PLEK2: variants seen among roughly 807,000 people sequenced by gnomAD.
The protein encoded by PLEK2 is pleckstrin 2, also known as pleckstrin-2.
PLEK2 carries 29 observed loss-of-function variants against 43.8 expected under a neutral mutation model. The ratio of observed to expected loss-of-function variants is 0.66; its 90% CI spans 0.49 to 0.90. PLEK2 has a LOEUF of 0.90. Among genes scored for constraint, PLEK2 ranks in the 40% least tolerant of loss-of-function variants. PLEK2 has a pLI of 0.00. For missense variants in PLEK2, 398 were observed against 448.1 expected (o/e 0.89, Z 1.01); for synonymous variants, 162 against 173.2 (o/e 0.94, Z 0.51).
chr14:67,397,171 G>A (rs752012065), intron 2 of PLEK2, among the ~76,000 whole-genome samples: 10 of 152,056 alleles, frequency 6.6e-5, no homozygotes, highest in South Asian at 2.1e-4. Context: ...ACTCCTCACC[G>A]CAAGCAATCT....
At position 67,392,860 on chromosome 14, in the gene PLEK2, G is replaced by C; in HGVS notation, c.482-11C>G. The C allele has an allele frequency of 6.2e-7, 1 of 1,602,564 alleles. No homozygotes were observed. The highest frequency in any genetic ancestry group is 1.3e-5 in the African/African-American group (1 of 74,850). On this transcript the variant is annotated splice_polypyrimidine_tract_variant and intron_variant, in intron 4 of 8. Transcript: ENST00000216446. ...CCACCAGGGAGGAGCCTGGCCAAGG[G>C]CAGCACCAGTCAGGCGATGGGTGAT...
In PLEK2 at chr14:67,392,337, G is replaced by A. The variant is rs755036157; in HGVS notation, c.760C>T (p.Leu254=). The change falls in exon 6 of 9, where the codon CTG becomes TTG. Residue 254 remains leucine (L), a synonymous_variant. Coordinates refer to ENST00000216446, the MANE Select transcript of PLEK2 (RefSeq NM_016445.3). The part of the protein sequence containing the change: ...LSGTVVKQGY[L]AKQGHKRKNW... ...CATAGCAGCCATACCTGCTTGGCCAGGTAGCCTTGTTTCACCACCGTGCCA... is the reference window on the plus strand; with the variant it reads ...CATAGCAGCCATACCTGCTTGGCCAAGTAGCCTTGTTTCACCACCGTGCCA... 4.4e-6 allele frequency: 7 copies of A among 1,605,720 alleles called. No homozygotes were observed. In the South Asian group the frequency reaches 6.6e-5, roughly 15 times the overall value.
rs544704170 is a variant in PLEK2 at position 67,397,823 on chromosome 14, G to A, written c.46C>T (p.His16Tyr). The change falls in exon 2 of 9, where the codon CAC (histidine) becomes TAC (tyrosine). Residue 16 changes from histidine (H) to tyrosine (Y), a missense_variant. Transcript: ENST00000216446. ...CGCGCCTTCCAGTTGTGGACAATGT[G>A]GCCCTATGGACAGACAAGAAAGCCC... ...LKEGFLVKRG[H>Y]IVHNWKARWF... 1.1e-4 allele frequency: 170 copies of A among 1,609,598 alleles called. 2 individuals carry two copies. The South Asian group carries it at 1.8e-3, about 17-fold the overall frequency.
chr14:67,403,394 T>C (rs981700103), intron 1 of PLEK2, among the ~76,000 whole-genome samples: 1 of 152,240 alleles, frequency 6.6e-6, no homozygotes, highest in African/African-American at 2.4e-5. Context: ...TCAGCAGTGA[T>C]GCTTCTAATA....
chr14:67,408,788 G>T (rs533309316), intron 1 of PLEK2, among the ~76,000 whole-genome samples: 3 of 152,060 alleles, frequency 2.0e-5, no homozygotes, highest in Non-Finnish European at 4.4e-5. Flanking sequence ...TTTCTTCTAC[G>T]CATATTTTTT....
At chr14:67,402,971 T>G (rs1456978811) in intron 1 of PLEK2, among the ~76,000 whole-genome samples, 1 of 152,182 alleles carries the variant, frequency 6.6e-6, no homozygotes, top group Non-Finnish European at 1.5e-5. Context: ...GGTAGCTCTA[T>G]TTATATTTTT....
rs775711650 is a variant in PLEK2, at chr14:67,392,864, C to G, written c.482-15G>C. ...CAGGGAGGAGCCTGGCCAAGGGCAG[C>G]ACCAGTCAGGCGATGGGTGATGGAC... On this transcript the variant is annotated splice_polypyrimidine_tract_variant and intron_variant, in intron 4 of 8. Transcript: ENST00000216446. The G allele has an allele frequency of 2.5e-6, 4 of 1,599,010 alleles. No homozygotes were observed. Among genetic ancestry groups the G allele is most frequent in the Admixed American group, 3.4e-5 (2 of 58,846 alleles).
chr14:67,405,862 A>G (rs2086075079), intron 1 of PLEK2, among the ~76,000 whole-genome samples: 1 of 152,058 alleles, frequency 6.6e-6, no homozygotes, highest in Non-Finnish European at 1.5e-5. Context: ...GGTGACTGTC[A>G]CTCTTGGCTG....
At chr14:67,390,232 T>C (rs1261379166) in intron 7 of PLEK2, among the ~76,000 whole-genome samples, 1 of 152,166 alleles carries the variant, frequency 6.6e-6, no homozygotes, top group Non-Finnish European at 1.5e-5. Flanking sequence ...AAATATTATA[T>C]GGTGACAGAA....
intron 1 of PLEK2, among the ~76,000 whole-genome samples, chr14:67,402,820 T>C (rs912893836): frequency 4.6e-5 from 7 of 152,248 alleles, no homozygotes; most frequent in African/African-American, 1.7e-4. Flanking sequence ...TCTTCATTCA[T>C]GTGTTGGAGG....
chr14:67,394,422 A>G (rs1472347595), intron 3 of PLEK2, among the ~76,000 whole-genome samples: 1 of 152,102 alleles, frequency 6.6e-6, no homozygotes, highest in East Asian at 1.9e-4. Flanking sequence ...AAAAGCCCCA[A>G]GAGTGCACAG....
intron 1 of PLEK2, among the ~76,000 whole-genome samples, chr14:67,399,445 G>C (rs1353987816): frequency 2.0e-4 from 26 of 130,046 alleles, no homozygotes; most frequent in Middle Eastern, 6.1e-3. Context: ...TTAGGTGGCT[G>C]TCAGGTGGCA....
intron 1 of PLEK2, among the ~76,000 whole-genome samples, chr14:67,406,719 G>A (rs116740809): frequency 1.4e-3 from 206 of 152,322 alleles, no homozygotes; most frequent in African/African-American, 4.8e-3. Flanking sequence ...TCAGCTGGAG[G>A]CTGCTGGAAT....
At chr14:67,389,180 T>C (rs1275130880) in intron 7 of PLEK2, among the ~76,000 whole-genome samples, 1 of 151,996 alleles carries the variant, frequency 6.6e-6, no homozygotes, top group Non-Finnish European at 1.5e-5. Context: ...TCATACTGCA[T>C]GTTGGGCCCA....
intron 2 of PLEK2, among the ~76,000 whole-genome samples, chr14:67,395,948 C>A (rs1039540669): frequency 2.6e-5 from 4 of 152,124 alleles, no homozygotes; most frequent in Admixed American, 1.3e-4. Flanking sequence ...GAACACAAAC[C>A]CCAGCTCTGC....
chr14:67,390,545 C>T (rs1254513641), intron 7 of PLEK2, 118 bp downstream of exon 7: 2 of 775,680 alleles, frequency 2.6e-6, no homozygotes, highest in African/African-American at 3.4e-5. Flanking sequence ...GTGCAGCAGA[C>T]TTTACGGCGG....
chr14:67,388,351 G>T, intron 7 of PLEK2, 49 bp from the exon 8 acceptor site: 1 of 1,146,746 alleles, frequency 8.7e-7, no homozygotes, highest in East Asian at 2.4e-5. Context: ...GAACAAAAGG[G>T]AAGAGTTGCA....
intron 2 of PLEK2, among the ~76,000 whole-genome samples, chr14:67,396,300 A>G: frequency 6.6e-6 from 1 of 150,964 alleles, no homozygotes; most frequent in Admixed American, 6.6e-5. Context: ...GACGCCCACC[A>G]CCCCGCCTGG....
chr14:67,392,982 C>A, intron 4 of PLEK2, 133 bp from the exon 5 acceptor site: 1 of 867,246 alleles, frequency 1.2e-6, no homozygotes, highest in African/African-American at 1.7e-5. Flanking sequence ...GAAGGCCACA[C>A]CTGCTGCATA....
Sources: allele counts gnomAD v4.1 joint callset (sites outside exome capture counted in the v4.1 genomes callset), GRCh38; gene constraint gnomAD v4.1.1; transcripts MANE v1.5; gene names NCBI Gene and HGNC (gene_info 2026-07-23, HGNC 2026-07-21).